Variants in FAT3 observed in about 807,000 individuals in gnomAD.
FAT3 encodes FAT atypical cadherin 3.
A neutral mutation model predicts 310.2 loss-of-function variants in FAT3; 95 were observed. That is an observed-to-expected ratio of 0.31 (90% CI 0.26 to 0.36). The LOEUF (loss-of-function observed/expected upper bound fraction) is 0.36. FAT3 is among the 10% of genes least tolerant of loss of function. FAT3 has a pLI of 1.00. For synonymous variants in FAT3, 2,314 were observed against 2,192.9 expected, an observed-to-expected ratio of 1.06 and a Z score of -1.54; for missense variants, 5,408 against 5,715.6, an observed-to-expected ratio of 0.95 and a Z score of 1.74.
At chr11:92,482,951 A>T (rs1340331996) in intron 2 of FAT3, among the ~76,000 whole-genome samples, 14 of 152,222 alleles carry the variant, frequency 9.2e-5, no homozygotes, top group Admixed American at 9.2e-4. Flanking sequence ...AAGAGCAGTT[A>T]TCATCGTAAA....
rs1404101314 is a variant in FAT3, at chr11:92,412,730, T to TACACAC, written c.3292+57327_3292+57328insCACACA. ...ATATATATATATATATATATATATA[T>TACACAC]ATATATATATATATAAATATACATA... is the stretch of plus-strand genomic sequence containing the variant. On this transcript the variant is annotated intron_variant, in intron 2 of 27. Coordinates refer to ENST00000525166, the MANE Select transcript of FAT3 (RefSeq NM_001367949.2). 3.1e-3 allele frequency among the ~76,000 whole-genome samples: 71 copies of TACACAC among 22,890 alleles called. 1 individual carries two copies. Among genetic ancestry groups the TACACAC allele is most frequent in the African/African-American group, 6.7e-3 (70 of 10,388 alleles). The allele number at this position is 22,890 out of a possible 152,430, so 15.0% of individuals were successfully genotyped here. A position where few individuals can be genotyped will look rare whatever the true frequency, so the allele number is the denominator to read the frequency against.
chr11:92,709,415 A>C (rs1944455033), intron 4 of FAT3, among the ~76,000 whole-genome samples: 1 of 152,120 alleles, frequency 6.6e-6, no homozygotes, highest in Non-Finnish European at 1.5e-5. Flanking sequence ...GGTAGTTTCA[A>C]ACTCCGCCTC....
At chr11:92,274,987 C>G (rs1267333934) in intron 1 of FAT3, among the ~76,000 whole-genome samples, 1 of 152,130 alleles carries the variant, frequency 6.6e-6, no homozygotes, top group Non-Finnish European at 1.5e-5. Flanking sequence ...TATTTGCACA[C>G]ATACACAGTA....
rs1174659033 is a variant in FAT3, at chr11:92,697,380, A to C, written c.3608-4A>C. ...AAAAGTCAAATATTCTCATTTCTACACAGGTCTGATTACAACAACTTCAAG... is the reference window on the plus strand; with the variant it reads ...AAAAGTCAAATATTCTCATTTCTACCCAGGTCTGATTACAACAACTTCAAG... On this transcript the variant is annotated splice_polypyrimidine_tract_variant and splice_region_variant and intron_variant, in intron 3 of 27. Coordinates refer to ENST00000525166, the MANE Select transcript of FAT3 (RefSeq NM_001367949.2). The C allele has an allele frequency of 6.2e-7, 1 of 1,613,494 alleles. No individual in the cohort carries two copies. The highest frequency in any genetic ancestry group is 8.5e-7 in the Non-Finnish European group (1 of 1,179,654).
chr11:92,714,049 G>C (rs1454969319), intron 4 of FAT3, among the ~76,000 whole-genome samples: 4 of 152,158 alleles, frequency 2.6e-5, no homozygotes, highest in African/African-American at 9.7e-5. Flanking sequence ...TAGTTACAGC[G>C]TCTATTCCTA....
chr11:92,831,641 G>A lies in FAT3; in HGVS notation c.9501G>A (p.Val3167=), dbSNP rs1181847235. The change falls in exon 14 of 28, where the codon GTG becomes GTA. Residue 3167 remains valine, a synonymous_variant. Transcript: ENST00000525166. ...DPDIGINRKV[V]YSLADSAGGV... ...CCACAGGCATCAATAGGAAGGTCGT[G>A]TACTCCCTGGCAGACTCAGCTGGTG... is the stretch of plus-strand genomic sequence containing the variant. 10 of 1,612,492 alleles carry A rather than the reference G, an allele frequency of 6.2e-6. No individual in the cohort carries two copies. Among genetic ancestry groups the A allele is most frequent in the Non-Finnish European group, 7.6e-6 (9 of 1,179,546 alleles).
rs1565251596 is a variant in FAT3 at position 92,354,386 on chromosome 11, T to TG, written c.2276dup (p.Val761SerfsTer12). The TG allele has an allele frequency of 6.2e-7, 1 of 1,613,796 alleles. No individual in the cohort carries two copies. The highest frequency in any genetic ancestry group is 8.5e-7 in the Non-Finnish European group (1 of 1,179,870). On this transcript the variant is annotated frameshift_variant, in exon 2 of 28. Transcript: ENST00000525166. LOFTEE classifies it high-confidence loss of function. Reference sequence around the variant, plus strand: ...CCTATGATGCCGACTCTGGCTTCAATGGAAAAGTGCTATTTACAATATCAG... The same window carrying TG: ...CCTATGATGCCGACTCTGGCTTCAATGGGAAAAGTGCTATTTACAATATCAG...
In FAT3 at chr11:92,355,235, C is replaced by T; in HGVS notation, c.3123C>T (p.Pro1041=). ...VVDVNENLHT[P]YFPDFAVVGS... ...ATGTCAATGAAAACCTCCACACTCC[C>T]TATTTCCCAGACTTTGCTGTTGTTG... The change falls in exon 2 of 28, where the codon CCC becomes CCT. Residue 1041 remains proline, a synonymous_variant. Coordinates refer to ENST00000525166, the MANE Select transcript of FAT3 (RefSeq NM_001367949.2). 1 of 1,613,834 alleles carries T rather than the reference C, an allele frequency of 6.2e-7. No homozygotes were observed.
At position 92,810,089 on chromosome 11, in the gene FAT3, C is replaced by T. The variant is rs1304003645; in HGVS notation, c.9481+13C>T. 1 of 1,609,978 alleles carries T rather than the reference C, an allele frequency of 6.2e-7. No individual in the cohort carries two copies. On this transcript the variant is annotated intron_variant, in intron 13 of 27. Transcript: ENST00000525166. ...GACCCCGACATTGGTAAGTCAGTTG[C>T]AGGCATCTCCCTGTCACACAGTGGA...
intron 2 of FAT3, among the ~76,000 whole-genome samples, chr11:92,377,714 A>G (rs1313570897): frequency 6.6e-6 from 1 of 152,024 alleles, no homozygotes; most frequent in Non-Finnish European, 1.5e-5. Context: ...CTGATGCACT[A>G]TTGGGTCCTG....
intron 9 of FAT3, among the ~76,000 whole-genome samples, chr11:92,795,408 G>A (rs897799865): frequency 5.3e-5 from 8 of 151,938 alleles, no homozygotes; most frequent in African/African-American, 1.9e-4. Context: ...TCTACAAGAG[G>A]CCATAGATTC....
intron 2 of FAT3, among the ~76,000 whole-genome samples, chr11:92,372,548 A>G (rs1178760388): frequency 1.3e-5 from 2 of 152,170 alleles, no homozygotes; most frequent in Non-Finnish European, 2.9e-5. Flanking sequence ...ACATTTCCCA[A>G]GGGTTCTGGT....
chr11:92,400,814 A>G (rs1174626433), intron 2 of FAT3: 2 of 152,138 alleles, frequency 1.3e-5, no homozygotes, highest in African/African-American at 4.8e-5. Context: ...ATAATATTCA[A>G]AAGAGTATAT....
At chr11:92,747,405 T>C (rs372954729) in intron 4 of FAT3, among the ~76,000 whole-genome samples, 72 of 152,360 alleles carry the variant, frequency 4.7e-4, no homozygotes, top group South Asian at 3.3e-3. Flanking sequence ...GTCCTGAGGC[T>C]GCACAGAGCA....
At chr11:92,657,355 C>T (rs1791548) in intron 3 of FAT3, among the ~76,000 whole-genome samples, 42,923 of 152,052 alleles carry the variant, frequency 0.28, 6,383 homozygotes, top group Non-Finnish European at 0.33. Context: ...TTCATGCTTC[C>T]TGGGCAATAA....
At chr11:92,482,689 C>A (rs149237029) in intron 2 of FAT3, among the ~76,000 whole-genome samples, 124 of 152,280 alleles carry the variant, frequency 8.1e-4, no homozygotes, top group African/African-American at 2.7e-3. Context: ...AGTAACCTCT[C>A]AAAACCTCTT....
At chr11:92,779,162 A>G (rs1428440948) in intron 7 of FAT3, among the ~76,000 whole-genome samples, 1 of 152,164 alleles carries the variant, frequency 6.6e-6, no homozygotes, top group Non-Finnish European at 1.5e-5. Context: ...GAGAGTATCC[A>G]GGTAGAAACA....
intron 3 of FAT3, among the ~76,000 whole-genome samples, chr11:92,560,105 C>T (rs1955168514): frequency 6.6e-6 from 1 of 152,178 alleles, no homozygotes; most frequent in Admixed American, 6.5e-5. Context: ...TTTTTCCACA[C>T]ACTCCTTAAA....
intron 15 of FAT3, among the ~76,000 whole-genome samples, chr11:92,835,514 C>T (rs562884280): frequency 3.9e-5 from 6 of 152,122 alleles, no homozygotes; most frequent in African/African-American, 9.6e-5. Context: ...CATTTCAAAA[C>T]GGCTAAGAGT....
Sources: gnomAD v4.1 joint callset for allele counts (sites outside exome capture counted in the v4.1 genomes callset) on GRCh38, gnomAD v4.1.1 for gene constraint, MANE v1.5 for transcripts, NCBI Gene and HGNC (gene_info 2026-07-23, HGNC 2026-07-21) for gene names.